The following CDK6 variants were observed in gnomAD, a reference collection of about 807,000 sequenced individuals.
The protein encoded by CDK6 is cyclin-dependent kinase 6.
CDK6 carries 6 observed loss-of-function variants against 37.1 expected under a neutral mutation model. That is an observed-to-expected ratio of 0.16 (90% confidence interval 0.09 to 0.32). The LOEUF (loss-of-function observed/expected upper bound fraction) is 0.32. Ranked by LOEUF, CDK6 falls within the 10% of genes least tolerant of loss-of-function variation. CDK6 has a pLI of 1.00. For missense variants in CDK6, 224 were observed against 418.9 expected (o/e 0.53, Z 4.06); for synonymous variants, 160 against 161.3 (o/e 0.99, Z 0.06).
chr7:92,662,417 G>T (rs1796860421), intron 5 of CDK6, among the ~76,000 whole-genome samples: 1 of 152,138 alleles, frequency 6.6e-6, no homozygotes, highest in Admixed American at 6.5e-5. Context: ...AGCTGGAGGG[G>T]AGGAAACATG....
chr7:92,639,956 T>G (rs568537050), intron 5 of CDK6, among the ~76,000 whole-genome samples: 1 of 152,358 alleles, frequency 6.6e-6, no homozygotes, highest in African/African-American at 2.4e-5. Flanking sequence ...ATAATTTTTC[T>G]GATTGCTCAT....
In CDK6 at chr7:92,702,430, G is replaced by A. The variant is rs576391752; in HGVS notation, c.537+23196C>T. ...GTATTTTTGGTAAAGACGGGATTTC[G>A]CCATGTTGGCCAGGCTGGTCTTGAA... On this transcript the variant is annotated intron_variant, in intron 4 of 7. Coordinates refer to ENST00000424848, the MANE Select transcript of CDK6 (RefSeq NM_001145306.2). Among the ~76,000 whole-genome samples, 5 of 151,504 alleles carry A rather than the reference G, an allele frequency of 3.3e-5. No homozygotes were observed. The South Asian group carries it at 8.4e-4, about 25-fold the overall frequency.
At chr7:92,799,133 A>G (rs930484680) in intron 2 of CDK6, among the ~76,000 whole-genome samples, 13 of 152,042 alleles carry the variant, frequency 8.6e-5, no homozygotes, top group African/African-American at 3.1e-4. Flanking sequence ...GCCACATTCC[A>G]TGTCCCCCAA....
At chr7:92,826,887 G>A (rs1260651085) in intron 2 of CDK6, among the ~76,000 whole-genome samples, 1 of 152,074 alleles carries the variant, frequency 6.6e-6, no homozygotes, top group Non-Finnish European at 1.5e-5. Flanking sequence ...CAATGGTTAT[G>A]GACACCATGT....
chr7:92,825,458 G>A (rs180851040), intron 2 of CDK6, among the ~76,000 whole-genome samples: 28 of 149,142 alleles, frequency 1.9e-4, no homozygotes, highest in Non-Finnish European at 3.0e-4. Flanking sequence ...ATGCACATGC[G>A]TGCACACACA....
intron 3 of CDK6, among the ~76,000 whole-genome samples, chr7:92,764,473 T>C (rs1799531807): frequency 6.6e-6 from 1 of 152,200 alleles, no homozygotes; most frequent in Admixed American, 6.5e-5. Context: ...AATTCTCTTT[T>C]ACTCCCTAAA....
chr7:92,615,125 G>T lies in CDK6; in HGVS notation c.*15C>A, dbSNP rs2116476232. 6.2e-7 allele frequency: 1 copy of T among 1,613,108 alleles called. No individual in the cohort carries two copies. The highest frequency in any genetic ancestry group is 8.5e-7 in the Non-Finnish European group (1 of 1,179,950). On this transcript the variant is annotated 3_prime_UTR_variant, in exon 8 of 8. Coordinates refer to ENST00000424848, the MANE Select transcript of CDK6 (RefSeq NM_001145306.2). ...GTGTTCTCCGCAGGATCAGCTTAAGGCGGCTGCTGAGGCCTCAGGCTGTAT... is the reference window on the plus strand; with the variant it reads ...GTGTTCTCCGCAGGATCAGCTTAAGTCGGCTGCTGAGGCCTCAGGCTGTAT...
chr7:92,777,328 G>A (rs951428593), intron 2 of CDK6, among the ~76,000 whole-genome samples: 3 of 152,112 alleles, frequency 2.0e-5, no homozygotes, highest in Non-Finnish European at 4.4e-5. Flanking sequence ...CGCCTCCCAG[G>A]TTCAAGCGAT....
intron 4 of CDK6, among the ~76,000 whole-genome samples, chr7:92,677,579 A>C (rs561275772): frequency 1.3e-5 from 2 of 152,328 alleles, no homozygotes; most frequent in South Asian, 4.1e-4. Context: ...GTATCCCTTT[A>C]GTCTGGGTGA....
intron 4 of CDK6, among the ~76,000 whole-genome samples, chr7:92,708,607 A>G (rs1031013864): frequency 6.6e-6 from 1 of 152,206 alleles, no homozygotes; most frequent in African/African-American, 2.4e-5. Context: ...GGCCCAATAA[A>G]GTAAAACATC....
intron 3 of CDK6, among the ~76,000 whole-genome samples, chr7:92,752,082 T>G (rs1022577299): frequency 6.6e-6 from 1 of 152,186 alleles, no homozygotes; most frequent in African/African-American, 2.4e-5. Context: ...TCTATACTTG[T>G]GTGAACTTGG....
intron 5 of CDK6, among the ~76,000 whole-genome samples, chr7:92,659,729 G>A (rs571185311): frequency 6.6e-6 from 1 of 152,102 alleles, no homozygotes; most frequent in East Asian, 1.9e-4. Context: ...GTACAGGAAA[G>A]ACAATACTCA....
rs1795473135 is a variant in CDK6, at chr7:92,608,203, A to T, written c.*6937T>A. ...AGTTCTTGGCAGTCAATATGTAGTT[A>T]TATGCCCCCTTTGAGAAAAACCTAC... On this transcript the variant is annotated 3_prime_UTR_variant, in exon 8 of 8. Coordinates refer to ENST00000424848, the MANE Select transcript of CDK6 (RefSeq NM_001145306.2). 1 of 232,332 alleles carries T rather than the reference A, an allele frequency of 4.3e-6. No individual in the cohort carries two copies. The highest frequency in any genetic ancestry group is 8.5e-6 in the Non-Finnish European group (1 of 117,600). 14.4% of individuals were successfully genotyped at this position (232,332 alleles called of 1,614,324 possible).
At chr7:92,676,021 CAT>C (rs1221179565) in intron 4 of CDK6, among the ~76,000 whole-genome samples, 1 of 152,012 alleles carries the variant, frequency 6.6e-6, no homozygotes, top group Admixed American at 6.5e-5. Flanking sequence ...AAAAAACTGA[CAT>C]AATTTTATTT....
intron 3 of CDK6, among the ~76,000 whole-genome samples, chr7:92,727,997 T>G (rs1027832977): frequency 7.2e-5 from 11 of 152,248 alleles, no homozygotes; most frequent in African/African-American, 2.7e-4. Flanking sequence ...CTCTATACAG[T>G]TAAGTGTCAC....
chr7:92,692,946 T>C (rs532592332), intron 4 of CDK6, among the ~76,000 whole-genome samples: 1 of 152,200 alleles, frequency 6.6e-6, no homozygotes, highest in Non-Finnish European at 1.5e-5. Context: ...ATTTTCTGAA[T>C]GAAAACCAAG....
chr7:92,749,054 C>T (rs1335797304), intron 3 of CDK6, among the ~76,000 whole-genome samples: 2 of 152,040 alleles, frequency 1.3e-5, no homozygotes, highest in African/African-American at 4.8e-5. Context: ...CAAAACTTAG[C>T]CAGGCGTGGT....
At chr7:92,687,192 C>T (rs769014156) in intron 4 of CDK6, among the ~76,000 whole-genome samples, 2 of 152,208 alleles carry the variant, frequency 1.3e-5, no homozygotes, top group Non-Finnish European at 2.9e-5. Flanking sequence ...TCCTACTCCA[C>T]ACTCCTGCAG....
rs111295681 is a variant in CDK6, at chr7:92,805,726, G to C, written c.233+27365C>G. Among the ~76,000 whole-genome samples the C allele has an allele frequency of 1.2e-4, 18 of 152,336 alleles. 1 individual carries two copies. The highest frequency in any genetic ancestry group is 4.1e-4 in the African/African-American group (17 of 41,580). On this transcript the variant is annotated intron_variant, in intron 2 of 7. Coordinates refer to ENST00000424848, the MANE Select transcript of CDK6 (RefSeq NM_001145306.2). ...GAGGCTCCTGGTATCCAGAACCCCTGTTCCAGGAGACCAGAAGTGTAATGA... is the reference window on the plus strand; with the variant it reads ...GAGGCTCCTGGTATCCAGAACCCCTCTTCCAGGAGACCAGAAGTGTAATGA...
Sources: gnomAD v4.1 joint callset for allele counts (sites outside exome capture counted in the v4.1 genomes callset) on GRCh38, gnomAD v4.1.1 for gene constraint, MANE v1.5 for transcripts, NCBI Gene and HGNC (gene_info 2026-07-23, HGNC 2026-07-21) for gene names.